The following DHX15 variants were observed in gnomAD, a reference collection of about 807,000 sequenced individuals.
DHX15 encodes ATP-dependent RNA helicase DHX15.
DHX15 carries 11 observed loss-of-function variants against 94.4 expected under a neutral mutation model. The observed-to-expected ratio is 0.12, with a 90% confidence interval of 0.07 to 0.19. DHX15 has a LOEUF of 0.19. Ranked by LOEUF, DHX15 falls within the 10% of genes least tolerant of loss-of-function variation. The pLI is 1.00. For synonymous variants in DHX15, 338 were observed against 329.9 expected, an observed-to-expected ratio of 1.02 and a Z score of -0.27; for missense variants, 304 against 988.5, an observed-to-expected ratio of 0.31 and a Z score of 9.29.
intron 5 of DHX15, among the ~76,000 whole-genome samples, chr4:24,551,167 C>T (rs555946858): frequency 2.0e-5 from 3 of 152,266 alleles, no homozygotes; most frequent in East Asian, 1.9e-4. Flanking sequence ...AAATGGAAGG[C>T]AGCACTGCGG....
intron 1 of DHX15, among the ~76,000 whole-genome samples, chr4:24,582,510 C>CT (rs1487092702): frequency 6.6e-6 from 1 of 152,228 alleles, no homozygotes; most frequent in Non-Finnish European, 1.5e-5. Flanking sequence ...TTGTTCCAAT[C>CT]TGACCTCCTG....
At chr4:24,562,461 T>C (rs908149292) in intron 3 of DHX15, among the ~76,000 whole-genome samples, 1 of 152,222 alleles carries the variant, frequency 6.6e-6, no homozygotes, top group Admixed American at 6.5e-5. Context: ...TGTTTTCCTA[T>C]TATTGTCTGA....
intron 5 of DHX15, among the ~76,000 whole-genome samples, chr4:24,550,316 T>A (rs1303473935): frequency 6.6e-6 from 1 of 151,978 alleles, no homozygotes; most frequent in Non-Finnish European, 1.5e-5. Flanking sequence ...TTTTTTTTGA[T>A]ATATTTTTCT....
chr4:24,547,938 T>TAC (rs1721481968), intron 6 of DHX15, among the ~76,000 whole-genome samples: 6 of 32,530 alleles, frequency 1.8e-4, no homozygotes, highest in African/African-American at 1.0e-3. Flanking sequence ...TATATATATA[T>TAC]ATATCTATAT....
At chr4:24,567,298 G>C (rs1368994877) in intron 3 of DHX15, among the ~76,000 whole-genome samples, 2 of 152,174 alleles carry the variant, frequency 1.3e-5, no homozygotes, top group Non-Finnish European at 2.9e-5. Context: ...TTACAACCAG[G>C]CTGGGCGTGG....
chr4:24,584,527 C>T lies in DHX15; in HGVS notation c.-134G>A. On this transcript the variant is annotated 5_prime_UTR_variant, in exon 1 of 14. Transcript: ENST00000336812. ...ACAGCCCACACGGTGCGGCCGGAAC[C>T]AACAGCTAAAATGGCGGCGGCGACG... 1.1e-6 allele frequency: 1 copy of T among 871,906 alleles called. No homozygotes were observed. Among genetic ancestry groups the T allele is most frequent in the Non-Finnish European group, 1.7e-6 (1 of 600,270 alleles). 54.0% of individuals were successfully genotyped at this position (871,906 alleles called of 1,614,324 possible).
chr4:24,571,689 C>T (rs1157000513), intron 2 of DHX15, among the ~76,000 whole-genome samples: 2 of 152,158 alleles, frequency 1.3e-5, no homozygotes, highest in Non-Finnish European at 2.9e-5. Flanking sequence ...CTTCCAAACG[C>T]CTATCAAACT....
chr4:24,584,161 A>G, intron 1 of DHX15, 162 bp downstream of exon 1: 1 of 732,594 alleles, frequency 1.4e-6, no homozygotes, highest in Non-Finnish European at 2.2e-6. Flanking sequence ...TGCCGGGCCG[A>G]ACGGGCGCCG....
chr4:24,564,058 C>T (rs902839394), intron 3 of DHX15, among the ~76,000 whole-genome samples: 19 of 79,772 alleles, frequency 2.4e-4, no homozygotes, highest in Non-Finnish European at 4.5e-4. Context: ...CAGAGCAAGA[C>T]TCCGTCTCAA....
At chr4:24,572,172 A>T (rs1722136831) in intron 2 of DHX15, among the ~76,000 whole-genome samples, 2 of 152,148 alleles carry the variant, frequency 1.3e-5, no homozygotes, top group Non-Finnish European at 2.9e-5. Context: ...ATGGAATCTC[A>T]CTCTGTTGAC....
At chr4:24,581,245 G>T (rs543061870) in intron 1 of DHX15, among the ~76,000 whole-genome samples, 1 of 151,998 alleles carries the variant, frequency 6.6e-6, no homozygotes, top group South Asian at 2.1e-4. Context: ...AGCCAGGATG[G>T]TCTTGATCTC....
intron 5 of DHX15, among the ~76,000 whole-genome samples, chr4:24,549,338 T>C (rs1275224331): frequency 6.6e-6 from 1 of 152,242 alleles, no homozygotes; most frequent in Non-Finnish European, 1.5e-5. Flanking sequence ...CTCAGGAATA[T>C]TTAAATGCAC....
At position 24,537,269 on chromosome 4, in the gene DHX15, G is replaced by C; in HGVS notation, c.1787-96C>G. Reference sequence around the variant, plus strand: ...CAAGGCCTAGCTAGGTCAGTTCACAGAGCATAGGGCAGGGCAGGATGGCCT... The same window carrying C: ...CAAGGCCTAGCTAGGTCAGTTCACACAGCATAGGGCAGGGCAGGATGGCCT... On this transcript the variant is annotated intron_variant, in intron 10 of 13. Transcript: ENST00000336812. This position sits in a 1 kb window ranked among gnomAD's most constrained non-coding sequence, Gnocchi z 4.7. The C allele has an allele frequency of 6.5e-7, 1 of 1,548,528 alleles. No homozygotes were observed. The highest frequency in any genetic ancestry group is 1.2e-5 in the South Asian group (1 of 84,506).
intron 2 of DHX15, among the ~76,000 whole-genome samples, chr4:24,571,967 G>T (rs1175637800): frequency 6.6e-6 from 1 of 152,086 alleles, no homozygotes; most frequent in African/African-American, 2.4e-5. Flanking sequence ...GGTTTAAGTG[G>T]TTTTCTAGTC....
At chr4:24,547,929 A>ATATATATATATC (rs1721477990) in intron 6 of DHX15, among the ~76,000 whole-genome samples, 1 of 41,028 alleles carries the variant, frequency 2.4e-5, no homozygotes, top group African/African-American at 1.1e-4. Context: ...ATATATATAT[A>ATATATATATATC]TATATATATA....
intron 3 of DHX15, among the ~76,000 whole-genome samples, chr4:24,562,231 T>TA (rs1560771650): frequency 6.6e-6 from 1 of 151,030 alleles, no homozygotes; most frequent in African/African-American, 2.4e-5. Context: ...ACCTAAAAGT[T>TA]AAAAAAGCAT....
chr4:24,581,088 T>C (rs1426664565), intron 1 of DHX15: 1 of 151,846 alleles, frequency 6.6e-6, no homozygotes, highest in Non-Finnish European at 1.5e-5. Flanking sequence ...TGGAGTGCAG[T>C]GGCACAATCT....
At chr4:24,549,100 C>G in intron 5 of DHX15, 78 bp from the exon 6 acceptor site, 1 of 1,239,662 alleles carries the variant, frequency 8.1e-7, no homozygotes, top group Non-Finnish European at 1.1e-6. Context: ...TCTATGCAGT[C>G]TGTTTTATGT....
At chr4:24,541,532 A>G (rs1041793495) in intron 8 of DHX15, among the ~76,000 whole-genome samples, 3 of 152,146 alleles carry the variant, frequency 2.0e-5, no homozygotes, top group African/African-American at 7.2e-5. Flanking sequence ...AAAAAAGTTG[A>G]AACCTAGTAA....
Sources: gnomAD v4.1 joint callset for allele counts (sites outside exome capture counted in the v4.1 genomes callset) on GRCh38, gnomAD v4.1.1 for gene constraint, Gnocchi (gnomAD v3.1) non-coding constraint, MANE v1.5 for transcripts, NCBI Gene and HGNC (gene_info 2026-07-23, HGNC 2026-07-21) for gene names.